CNNM2: variants seen among roughly 807,000 people sequenced by gnomAD.
CNNM2 encodes cyclin and CBS domain divalent metal cation transport mediator 2, also known as metal transporter CNNM2.
Under a neutral mutation model 66.9 loss-of-function variants are expected in CNNM2, and 12 were observed. The observed-to-expected ratio is 0.18, with a 90% CI of 0.11 to 0.29. The LOEUF (loss-of-function observed/expected upper bound fraction) is 0.29. CNNM2 is among the 10% of genes least tolerant of loss of function. The pLI, the probability that CNNM2 is intolerant of heterozygous loss-of-function variation, is 1.00. For synonymous variants in CNNM2, 557 were observed against 501.8 expected, an observed-to-expected ratio of 1.11 and a Z score of -1.47; for missense variants, 705 against 1,167.7, an observed-to-expected ratio of 0.60 and a Z score of 5.77.
chr10:103,019,722 G>A (rs1324229833), intron 1 of CNNM2, among the ~76,000 whole-genome samples: 1 of 152,128 alleles, frequency 6.6e-6, no homozygotes, highest in African/African-American at 2.4e-5. Flanking sequence ...TGAATCATTG[G>A]AAACAATGGA....
intron 1 of CNNM2, among the ~76,000 whole-genome samples, chr10:102,995,103 C>T (rs2063966193): frequency 1.3e-5 from 2 of 150,164 alleles, no homozygotes; most frequent in Non-Finnish European, 3.0e-5. Context: ...TTTTAGTTCT[C>T]TCTGCTTTTC....
rs1423390166 is a variant in CNNM2 at position 103,085,087 on chromosome 10, C to A, written c.*7907C>A. 2 of 152,140 alleles carry A rather than the reference C, an allele frequency of 1.3e-5. No homozygotes were observed. Among genetic ancestry groups the A allele is most frequent in the Admixed American group, 6.6e-5 (1 of 15,266 alleles). 9.4% of individuals were successfully genotyped at this position (152,140 alleles called of 1,614,324 possible). On this transcript the variant is annotated 3_prime_UTR_variant, in exon 8 of 8. Transcript: ENST00000369878. ...CTGACTTTCTGCTGGCATGCCATCT[C>A]CCCTAGTGGATTACTGAGGACTGAG...
intron 1 of CNNM2, among the ~76,000 whole-genome samples, chr10:103,013,607 C>G (rs11191514): frequency 2.0e-5 from 3 of 151,922 alleles, no homozygotes; most frequent in African/African-American, 7.3e-5. Flanking sequence ...TTATCCAAGC[C>G]GAAAACTGTG....
intron 1 of CNNM2, among the ~76,000 whole-genome samples, chr10:102,984,938 G>A (rs895535307): frequency 6.6e-6 from 1 of 152,010 alleles, no homozygotes; most frequent in South Asian, 2.1e-4. Context: ...TGACCACTGT[G>A]CCCGGGCTTT....
chr10:103,050,672 G>A (rs2065200338), intron 2 of CNNM2, among the ~76,000 whole-genome samples: 1 of 152,106 alleles, frequency 6.6e-6, no homozygotes, highest in African/African-American at 2.4e-5. Context: ...GTGGGTCGGG[G>A]GTGTGGGAAG....
chr10:103,026,305 A>T (rs891624478), intron 1 of CNNM2, among the ~76,000 whole-genome samples: 2 of 152,220 alleles, frequency 1.3e-5, no homozygotes, highest in Non-Finnish European at 2.9e-5. Context: ...CAAATGTCAT[A>T]AATATTTTTG....
At chr10:103,071,721 T>C in intron 5 of CNNM2, 53 bp from the exon 6 acceptor site, 1 of 1,370,856 alleles carries the variant, frequency 7.3e-7, no homozygotes, top group Non-Finnish European at 1.0e-6. Context: ...ATTACAGAGA[T>C]CTCTGTTCTT....
At chr10:103,072,168 C>A (rs1321706819) in intron 6 of CNNM2, among the ~76,000 whole-genome samples, 1 of 152,116 alleles carries the variant, frequency 6.6e-6, no homozygotes, top group South Asian at 2.1e-4. Context: ...GGGGACTGTT[C>A]TTGGTTCTTA....
At chr10:102,993,566 G>T (rs1053076730) in intron 1 of CNNM2, among the ~76,000 whole-genome samples, 8 of 152,014 alleles carry the variant, frequency 5.3e-5, no homozygotes, top group African/African-American at 9.7e-5. Context: ...ATAGTGGATT[G>T]TTTCCTCCTA....
At chr10:103,062,551 C>A (rs1246608719) in intron 4 of CNNM2, among the ~76,000 whole-genome samples, 2 of 152,184 alleles carry the variant, frequency 1.3e-5, no homozygotes, top group African/African-American at 4.8e-5. Flanking sequence ...GATTCCTTTG[C>A]TTAGAACTCT....
chr10:103,028,616 A>G (rs1166078506), intron 1 of CNNM2, among the ~76,000 whole-genome samples: 1 of 152,166 alleles, frequency 6.6e-6, no homozygotes, highest in Non-Finnish European at 1.5e-5. Flanking sequence ...ATTAGGTAAC[A>G]ACAGTTGGTC....
intron 4 of CNNM2, 158 bp from the exon 5 acceptor site, chr10:103,068,471 C>T (rs2065517609): frequency 4.5e-6 from 3 of 665,318 alleles, no homozygotes; most frequent in Admixed American, 2.2e-5. Flanking sequence ...CGAATGAGCC[C>T]CCTCCTCTCA....
chr10:103,033,643 A>G (rs538705224), intron 1 of CNNM2, among the ~76,000 whole-genome samples: 1 of 151,634 alleles, frequency 6.6e-6, no homozygotes, highest in Non-Finnish European at 1.5e-5. Context: ...CACAAATTCT[A>G]CCCTAGGATC....
rs1253175644 is a variant in CNNM2, at chr10:103,084,805, T to C, written c.*7625T>C. 3 of 152,198 alleles carry C rather than the reference T, an allele frequency of 2.0e-5. No homozygotes were observed. The highest frequency in any genetic ancestry group is 4.4e-5 in the Non-Finnish European group (3 of 68,036). The allele number at this position is 152,198 out of a possible 1,614,324, so 9.4% of individuals were successfully genotyped here. On this transcript the variant is annotated 3_prime_UTR_variant, in exon 8 of 8. Transcript: ENST00000369878. ...GAAACAAATATTGATCAGAGGGTCT[T>C]GTAGAGAAAGTGGTTAAAAACTGAC...
chr10:103,076,039 C>T, intron 6 of CNNM2, 47 bp from the exon 7 acceptor site: 1 of 1,502,206 alleles, frequency 6.7e-7, no homozygotes. Flanking sequence ...GTTTTATTGG[C>T]TGTATCTACT....
chr10:102,990,405 G>A (rs1315089721), intron 1 of CNNM2, among the ~76,000 whole-genome samples: 1 of 152,096 alleles, frequency 6.6e-6, no homozygotes, highest in Non-Finnish European at 1.5e-5. Flanking sequence ...ATTTTGCGTG[G>A]GAATAAAAGT....
chr10:102,946,133 T>C (rs1411413683), intron 1 of CNNM2, among the ~76,000 whole-genome samples: 2 of 152,176 alleles, frequency 1.3e-5, no homozygotes, highest in Admixed American at 6.5e-5. Context: ...GCTGTAGTTA[T>C]AAAAAGACAG....
At chr10:103,048,166 C>T (rs1249918791) in intron 1 of CNNM2, among the ~76,000 whole-genome samples, 1 of 151,268 alleles carries the variant, frequency 6.6e-6, no homozygotes, top group African/African-American at 2.4e-5. Context: ...TTCAAGTGAT[C>T]CGCCTCCCAA....
At position 103,003,220 on chromosome 10, in the gene CNNM2, C is replaced by T. The variant is rs989327139; in HGVS notation, c.1622-46487C>T. Among the ~76,000 whole-genome samples the T allele has an allele frequency of 1.1e-4, 16 of 150,862 alleles. No individual in the cohort carries two copies. The Admixed American group carries it at 1.1e-3, about 10-fold the overall frequency. On this transcript the variant is annotated intron_variant, in intron 1 of 7. Coordinates refer to ENST00000369878, the MANE Select transcript of CNNM2 (RefSeq NM_017649.5). ...CTCCGCCTCCTGGGTCCAAGCGATT[C>T]TCATGGCCTCAGCCTCCTGAGTAGC...
Sources: gnomAD v4.1 joint callset for allele counts (sites outside exome capture counted in the v4.1 genomes callset) on GRCh38, gnomAD v4.1.1 for gene constraint, MANE v1.5 for transcripts, NCBI Gene and HGNC (gene_info 2026-07-23, HGNC 2026-07-21) for gene names.